The following IPO9 variants were observed in gnomAD, a reference collection of about 807,000 sequenced individuals.
IPO9 encodes the protein importin 9, also known as importin-9.
A neutral mutation model predicts 128.6 loss-of-function variants in IPO9; 28 were observed. The ratio of observed to expected loss-of-function variants is 0.22; its 90% CI spans 0.16 to 0.30. The LOEUF (loss-of-function observed/expected upper bound fraction) is 0.30. Ranked by LOEUF, IPO9 falls within the 10% of genes least tolerant of loss-of-function variation. The pLI is 1.00. For missense variants in IPO9, 935 were observed against 1,293.9 expected (o/e 0.72, Z 4.26); for synonymous variants, 455 against 475.8 (o/e 0.96, Z 0.57).
intron 19 of IPO9, 117 bp from the exon 20 acceptor site, chr1:201,872,711 A>T: frequency 8.7e-7 from 1 of 1,154,312 alleles, no homozygotes; most frequent in Non-Finnish European, 1.2e-6. Context: ...TCTCCTAATT[A>T]GTTGTTAACG....
intron 1 of IPO9, among the ~76,000 whole-genome samples, chr1:201,836,318 G>A (rs531636136): frequency 2.6e-5 from 4 of 152,228 alleles, no homozygotes; most frequent in Admixed American, 2.6e-4. Flanking sequence ...GTGTTGATCA[G>A]ATTTAAAATA....
chr1:201,858,329 G>GC (rs1428190395), intron 11 of IPO9, 118 bp from the exon 12 acceptor site: 8 of 513,932 alleles, frequency 1.6e-5, no homozygotes, highest in African/African-American at 1.5e-4. Flanking sequence ...TTAGGGGTTT[G>GC]CACATGTATG....
chr1:201,843,171 G>C (rs747544193), intron 1 of IPO9, among the ~76,000 whole-genome samples: 2 of 152,222 alleles, frequency 1.3e-5, no homozygotes, highest in Non-Finnish European at 2.9e-5. Flanking sequence ...TGCAGAACTA[G>C]TGGGCTATTT....
chr1:201,871,376 CTTTTTTTTTTTTTTTTTTTT>C (rs556986429), intron 19 of IPO9, 49 bp downstream of exon 19: 1 of 144,692 alleles, frequency 6.9e-6, no homozygotes, highest in Non-Finnish European at 1.2e-5. Context: ...ACTCATATTT[CTTTTTTTTTTTTTTTTTTTT>C]TTTTTTTTTT....
chr1:201,874,151 G>A (rs1177248816), intron 20 of IPO9, 99 bp from the exon 21 acceptor site: 2 of 1,249,680 alleles, frequency 1.6e-6, no homozygotes, highest in Non-Finnish European at 2.3e-6. Flanking sequence ...AGTCTGAGGG[G>A]TGGTGAACTC....
Position 201,879,439 on chromosome 1 carries a change from C to G in IPO9, c.*3385C>G, listed in dbSNP as rs1239983725. On this transcript the variant is annotated 3_prime_UTR_variant, in exon 24 of 24. Transcript: ENST00000361565. ...CCCAGGGCTGTGTCCTTGGCCCCTC[C>G]TTTGATATTAGTGACAGATGACTTT... The G allele has an allele frequency of 1.3e-5, 2 of 152,202 alleles. No individual in the cohort carries two copies. The highest frequency in any genetic ancestry group is 2.9e-5 in the Non-Finnish European group (2 of 68,046). The allele number at this position is 152,202 out of a possible 1,614,324, so 9.4% of individuals were successfully genotyped here. A position where few individuals can be genotyped will look rare whatever the true frequency, so the allele number is the denominator to read the frequency against.
chr1:201,854,555 T>G, intron 6 of IPO9, 40 bp from the exon 7 acceptor site: 3 of 1,608,502 alleles, frequency 1.9e-6, no homozygotes, highest in Non-Finnish European at 1.7e-6. Context: ...AGCCATGGAT[T>G]AGGGGTTTGT....
In IPO9 at chr1:201,876,462, A is replaced by G. The variant is rs1306623575; in HGVS notation, c.*408A>G. ...CTAAAACAGACCTATCTATGTTCAT[A>G]GGACTTCTGATGTGTTCAGATAGGA... On this transcript the variant is annotated 3_prime_UTR_variant, in exon 24 of 24. Transcript: ENST00000361565. 1 of 346,396 alleles carries G rather than the reference A, an allele frequency of 2.9e-6. No homozygotes were observed. The highest frequency in any genetic ancestry group is 5.7e-6 in the Non-Finnish European group (1 of 174,864). 21.5% of individuals were successfully genotyped at this position (346,396 alleles called of 1,614,324 possible).
chr1:201,846,905 G>A (rs1680133493), intron 1 of IPO9, among the ~76,000 whole-genome samples: 1 of 152,302 alleles, frequency 6.6e-6, no homozygotes, highest in East Asian at 1.9e-4. Flanking sequence ...CTGACCTCAA[G>A]TGATCCACCC....
intron 10 of IPO9, among the ~76,000 whole-genome samples, chr1:201,856,295 C>T (rs1415657123): frequency 6.6e-6 from 1 of 152,080 alleles, no homozygotes; most frequent in Non-Finnish European, 1.5e-5. Context: ...GAAAATCTCA[C>T]AGGACCACTA....
rs556986429 is a variant in IPO9 at position 201,871,376 on chromosome 1, C to CTTTTTTTTT, written c.2576+71_2576+79dup. 80 of 149,284 alleles carry CTTTTTTTTT rather than the reference C, an allele frequency of 5.4e-4. 9 individuals are homozygous for CTTTTTTTTT. Among genetic ancestry groups the CTTTTTTTTT allele is most frequent in the African/African-American group, 2.5e-3 (38 of 14,952 alleles). The allele number at this position is 149,284 out of a possible 1,614,324, so 9.2% of individuals were successfully genotyped here. ...GGGCATTCTGCCACCACTCATATTT[C>CTTTTTTTTT]TTTTTTTTTTTTTTTTTTTTTTTTT... On this transcript the variant is annotated intron_variant, in intron 19 of 23. Transcript: ENST00000361565.
At chr1:201,873,083 T>C in intron 20 of IPO9, 122 bp downstream of exon 20, 1 of 1,142,730 alleles carries the variant, frequency 8.8e-7, no homozygotes, top group Non-Finnish European at 1.2e-6. Context: ...ATGGGTTTGA[T>C]AAAGAAGAAG....
chr1:201,871,228 G>A lies in IPO9; in HGVS notation c.2477G>A (p.Ser826Asn). The A allele has an allele frequency of 1.9e-6, 3 of 1,614,004 alleles. No individual in the cohort carries two copies. Among genetic ancestry groups the A allele is most frequent in the Non-Finnish European group, 2.5e-6 (3 of 1,180,006 alleles). Residue 826 changes from serine (S) to asparagine (N), a missense_variant, in exon 19 of 24, where the codon AGC (serine) becomes AAC (asparagine). By Grantham distance (46) the Ser-to-Asn change is conservative. Transcript: ENST00000361565. ...GAACCTCTCTTGGAGTTCCTGTGTA[G>A]CCTCCCAGGACCTACTGGCAAACCT... Reference protein sequence around the residue: ...QLEPLLEFLCSLPGPTGKPAL... With the variant: ...QLEPLLEFLCNLPGPTGKPAL...
chr1:201,839,444 C>T (rs1286544381), intron 1 of IPO9, among the ~76,000 whole-genome samples: 1 of 151,442 alleles, frequency 6.6e-6, no homozygotes, highest in Non-Finnish European at 1.5e-5. Context: ...GCCTGTAGTC[C>T]CAACTACTCG....
At position 201,853,541 on chromosome 1, in the gene IPO9, A is replaced by AT. The variant is rs532975224; in HGVS notation, c.690+452dup. On this transcript the variant is annotated intron_variant, in intron 6 of 23. Transcript: ENST00000361565. ...AACCACAACACTCAGCTATATTTGT[A>AT]TTTTTTTTATTTATTTGGGTTTTTT... Among the ~76,000 whole-genome samples the AT allele has an allele frequency of 5.8e-3, 837 of 143,558 alleles. 8 individuals are homozygous for AT. Among genetic ancestry groups the AT allele is most frequent in the African/African-American group, 0.02 (774 of 38,656 alleles). The allele number at this position is 143,558 out of a possible 152,430, so 94.2% of individuals were successfully genotyped here.
chr1:201,832,040 T>C (rs954440979), intron 1 of IPO9, among the ~76,000 whole-genome samples: 8 of 151,614 alleles, frequency 5.3e-5, no homozygotes, highest in Non-Finnish European at 8.8e-5. Flanking sequence ...TAGCTGGGAT[T>C]ACAGGCACCT....
rs1365275828 is a variant in IPO9, at chr1:201,878,196, T to TA, written c.*2143dup. The TA allele has an allele frequency of 3.3e-5, 5 of 152,300 alleles. No individual in the cohort carries two copies. The highest frequency in any genetic ancestry group is 1.2e-4 in the African/African-American group (5 of 41,452). The allele number at this position is 152,300 out of a possible 1,614,324, so 9.4% of individuals were successfully genotyped here. ...CACATGGCATTGTGGGAGTTGCTGATACTGGGGAAATGATGGCAGATCTGA... is the reference window on the plus strand; with the variant it reads ...CACATGGCATTGTGGGAGTTGCTGATAACTGGGGAAATGATGGCAGATCTGA... On this transcript the variant is annotated 3_prime_UTR_variant, in exon 24 of 24. Coordinates refer to ENST00000361565, the MANE Select transcript of IPO9 (RefSeq NM_018085.5).
At chr1:201,839,644 A>T (rs1269785427) in intron 1 of IPO9, among the ~76,000 whole-genome samples, 1 of 151,850 alleles carries the variant, frequency 6.6e-6, no homozygotes, top group Non-Finnish European at 1.5e-5. Flanking sequence ...TAGATTTTTT[A>T]AAAATAAACT....
rs1383372089 is a variant in IPO9 at position 201,883,812 on chromosome 1, T to C, written c.*7758T>C. Reference sequence around the variant, plus strand: ...TGTGATTGCAAATTCATAACTAATATCCCTCGTCAGCTCCGCTGACTCATC... The same window carrying C: ...TGTGATTGCAAATTCATAACTAATACCCCTCGTCAGCTCCGCTGACTCATC... On this transcript the variant is annotated 3_prime_UTR_variant, in exon 24 of 24. Transcript: ENST00000361565. 1 of 152,224 alleles carries C rather than the reference T, an allele frequency of 6.6e-6. No individual in the cohort carries two copies. Among genetic ancestry groups the C allele is most frequent in the African/African-American group, 2.4e-5 (1 of 41,460 alleles). The allele number at this position is 152,224 out of a possible 1,614,324, so 9.4% of individuals were successfully genotyped here.
Sources: gnomAD v4.1 joint callset for allele counts (sites outside exome capture counted in the v4.1 genomes callset) on GRCh38, gnomAD v4.1.1 for gene constraint, MANE v1.5 for transcripts, NCBI Gene and HGNC (gene_info 2026-07-23, HGNC 2026-07-21) for gene names.